Variants in TMED10 observed in about 807,000 individuals in gnomAD.
The protein encoded by TMED10 is transmembrane p24 trafficking protein 10, also known as transmembrane emp24 domain-containing protein 10.
In TMED10, 7 loss-of-function variants were observed where a neutral mutation model predicts 23.1. That is an observed-to-expected ratio of 0.30 (90% CI 0.17 to 0.57). TMED10 has a LOEUF of 0.57. Among genes scored for constraint, TMED10 ranks in the 20% least tolerant of loss-of-function variants. TMED10 has a pLI of 0.91. For synonymous variants in TMED10, 113 were observed against 106.9 expected (o/e 1.06, Z -0.35); for missense variants, 162 against 274.8 (o/e 0.59, Z 2.90).
At chr14:75,146,501 A>G (rs896392120) in intron 3 of TMED10, among the ~76,000 whole-genome samples, 32 of 152,076 alleles carry the variant, frequency 2.1e-4, no homozygotes, top group African/African-American at 7.5e-4. Context: ...GCCCTTACGT[A>G]CTGTTTTGTT....
intron 3 of TMED10, among the ~76,000 whole-genome samples, chr14:75,145,059 A>G (rs966840186): frequency 2.1e-4 from 32 of 152,298 alleles, no homozygotes; most frequent in African/African-American, 6.7e-4. Flanking sequence ...CCTCTACATC[A>G]ATCTGGTCTG....
At chr14:75,154,019 C>T (rs1485998982) in intron 1 of TMED10, among the ~76,000 whole-genome samples, 2 of 151,104 alleles carry the variant, frequency 1.3e-5, no homozygotes, top group Non-Finnish European at 3.0e-5. Flanking sequence ...ATCCAACCCG[C>T]CTCGGCTTCC....
chr14:75,147,144 G>C (rs1257797690), intron 3 of TMED10, among the ~76,000 whole-genome samples: 1 of 149,528 alleles, frequency 6.7e-6, no homozygotes, highest in Non-Finnish European at 1.5e-5. Flanking sequence ...AGTTTGTTCA[G>C]TCTTTGGCTG....
intron 3 of TMED10, among the ~76,000 whole-genome samples, chr14:75,146,438 G>A (rs147421787): frequency 9.5e-4 from 145 of 152,126 alleles, no homozygotes; most frequent in African/African-American, 3.3e-3. Flanking sequence ...CATTTACTTA[G>A]TTTGCATTCT....
intron 1 of TMED10, among the ~76,000 whole-genome samples, chr14:75,166,888 T>C (rs965925569): frequency 2.6e-5 from 4 of 151,900 alleles, no homozygotes; most frequent in Admixed American, 2.0e-4. Flanking sequence ...GGGATCGTTA[T>C]TGATAAAAAG....
At chr14:75,142,579 A>C (rs902069040) in intron 3 of TMED10, among the ~76,000 whole-genome samples, 1 of 152,198 alleles carries the variant, frequency 6.6e-6, no homozygotes, top group African/African-American at 2.4e-5. Context: ...TGTGTCACAC[A>C]GTTAACACTC....
chr14:75,175,485 G>T (rs1286580562), intron 1 of TMED10, among the ~76,000 whole-genome samples: 1 of 151,536 alleles, frequency 6.6e-6, no homozygotes, highest in Admixed American at 6.6e-5. Context: ...CTATTCCATC[G>T]CAAGGACAGA....
At chr14:75,164,548 TATATATATATATATATATATATATATA>T (rs1479694264) in intron 1 of TMED10, among the ~76,000 whole-genome samples, 601 of 42,588 alleles carry the variant, frequency 0.014, 44 homozygotes, top group African/African-American at 0.025. Flanking sequence ...TATATATATA[TATATATATATATATATATATATATATA>T]TATTTTTTTT....
intron 1 of TMED10, among the ~76,000 whole-genome samples, chr14:75,163,918 C>G (rs548468178): frequency 2.0e-4 from 31 of 152,104 alleles, no homozygotes; most frequent in African/African-American, 6.5e-4. Context: ...CACCACCACG[C>G]CCAGCTACTG....
At chr14:75,170,104 G>C (rs556621138) in intron 1 of TMED10, among the ~76,000 whole-genome samples, 1 of 151,668 alleles carries the variant, frequency 6.6e-6, no homozygotes, top group African/African-American at 2.4e-5. Flanking sequence ...GCGGGCGCCT[G>C]TAGTCCCAGC....
At chr14:75,162,601 T>C (rs1165363009) in intron 1 of TMED10, among the ~76,000 whole-genome samples, 2 of 150,440 alleles carry the variant, frequency 1.3e-5, no homozygotes, top group African/African-American at 4.9e-5. Context: ...GAACACAGAA[T>C]AGAAAGGGGG....
intron 1 of TMED10, among the ~76,000 whole-genome samples, chr14:75,155,089 G>C (rs899822136): frequency 1.3e-5 from 2 of 151,942 alleles, no homozygotes; most frequent in Admixed American, 6.6e-5. Flanking sequence ...CTCCCAAGTA[G>C]CTGGGACTAC....
intron 3 of TMED10, among the ~76,000 whole-genome samples, chr14:75,138,848 G>C (rs1477072796): frequency 1.2e-5 from 1 of 80,776 alleles, no homozygotes. Context: ...TGTTGTTGTT[G>C]TTGTTAAAGG....
chr14:75,175,039 CA>C (rs57423430), intron 1 of TMED10, among the ~76,000 whole-genome samples: 33 of 87,050 alleles, frequency 3.8e-4, no homozygotes, highest in South Asian at 2.6e-3. Flanking sequence ...GACTCCGTCT[CA>C]AAAAAAAAAA....
chr14:75,163,436 C>G (rs1001668829), intron 1 of TMED10, among the ~76,000 whole-genome samples: 2 of 151,552 alleles, frequency 1.3e-5, no homozygotes, highest in African/African-American at 4.9e-5. Context: ...GCCTGTAGTC[C>G]CAGCTACTCA....
chr14:75,156,892 GA>G (rs985484250), intron 1 of TMED10, among the ~76,000 whole-genome samples: 5 of 134,744 alleles, frequency 3.7e-5, no homozygotes, highest in African/African-American at 1.4e-4. Flanking sequence ...CCAGCCTGGT[GA>G]CAGAGCAAGA....
chr14:75,137,577 C>T (rs867454664), intron 3 of TMED10, among the ~76,000 whole-genome samples: 7 of 148,986 alleles, frequency 4.7e-5, no homozygotes, highest in African/African-American at 9.9e-5. Flanking sequence ...CGGGAGGCTG[C>T]GGCAGGAGAA....
At chr14:75,145,814 T>C (rs1694665599) in intron 3 of TMED10, among the ~76,000 whole-genome samples, 1 of 152,086 alleles carries the variant, frequency 6.6e-6, no homozygotes, top group Non-Finnish European at 1.5e-5. Flanking sequence ...ATACCCTTAA[T>C]GACAGGCATC....
At chr14:75,142,813 A>C (rs1895838597) in intron 3 of TMED10, among the ~76,000 whole-genome samples, 1 of 152,146 alleles carries the variant, frequency 6.6e-6, no homozygotes, top group African/African-American at 2.4e-5. Flanking sequence ...CCCTGAAGCA[A>C]GTGTTTCTTG....
Sources: gnomAD v4.1 joint callset for allele counts (sites outside exome capture counted in the v4.1 genomes callset) on GRCh38, gnomAD v4.1.1 for gene constraint, MANE v1.5 for transcripts, NCBI Gene and HGNC (gene_info 2026-07-23, HGNC 2026-07-21) for gene names.